Variants in TRHDE observed in about 807,000 individuals in gnomAD.
TRHDE encodes thyrotropin-releasing hormone-degrading ectoenzyme.
A neutral mutation model predicts 125.7 loss-of-function variants in TRHDE; 72 were observed. The ratio of observed to expected loss-of-function variants is 0.57; its 90% confidence interval spans 0.47 to 0.70. TRHDE has a LOEUF of 0.70. TRHDE is among the 30% of genes least tolerant of loss of function. The pLI is 0.00. For synonymous variants in TRHDE, 509 were observed against 509.1 expected (o/e 1.00, Z 0.00); for missense variants, 1,110 against 1,327.1 (o/e 0.84, Z 2.54).
chr12:72,501,903 TTC>T (rs1878170551), intron 6 of TRHDE, among the ~76,000 whole-genome samples: 1 of 152,114 alleles, frequency 6.6e-6, no homozygotes, highest in Non-Finnish European at 1.5e-5. Flanking sequence ...CATTGGTAGT[TTC>T]TTTCTCACGC....
chr12:72,389,626 A>T (rs1268516125), intron 3 of TRHDE, among the ~76,000 whole-genome samples: 2 of 152,188 alleles, frequency 1.3e-5, no homozygotes, highest in East Asian at 3.9e-4. Context: ...GCAAGTTCTC[A>T]GGTGTATCTT....
intron 2 of TRHDE, among the ~76,000 whole-genome samples, chr12:72,210,049 A>G (rs540664413): frequency 2.0e-5 from 3 of 152,304 alleles, no homozygotes; most frequent in Admixed American, 1.3e-4. Flanking sequence ...CAAGGGGAAC[A>G]GTTTATGGAT....
chr12:72,583,251 C>T (rs1480420866), intron 12 of TRHDE, among the ~76,000 whole-genome samples: 1 of 152,210 alleles, frequency 6.6e-6, no homozygotes, highest in Admixed American at 6.5e-5. Context: ...TATGCTTCCA[C>T]TCTTCTGCCA....
chr12:72,125,381 G>T (rs1472535797), intron 2 of TRHDE, among the ~76,000 whole-genome samples: 1 of 151,572 alleles, frequency 6.6e-6, no homozygotes, highest in African/African-American at 2.4e-5. Flanking sequence ...TAATTGAGCT[G>T]AATGCTTACC....
chr12:72,099,024 G>A (rs1476478774), intron 1 of TRHDE, among the ~76,000 whole-genome samples: 1 of 152,104 alleles, frequency 6.6e-6, no homozygotes, highest in Non-Finnish European at 1.5e-5. Flanking sequence ...AATTTGCCGG[G>A]CATGGTGGTG....
At chr12:72,651,653 G>A (rs903341672) in intron 15 of TRHDE, among the ~76,000 whole-genome samples, 1 of 151,858 alleles carries the variant, frequency 6.6e-6, no homozygotes, top group African/African-American at 2.4e-5. Context: ...AAGTAGGGAT[G>A]AAAATTTTCA....
intron 2 of TRHDE, among the ~76,000 whole-genome samples, chr12:72,208,892 A>G (rs1178009706): frequency 6.6e-6 from 1 of 152,132 alleles, no homozygotes; most frequent in Non-Finnish European, 1.5e-5. Flanking sequence ...GGTTGTTAAA[A>G]CATCCCACTC....
rs200228744 is a variant in TRHDE, at chr12:72,228,942, AC to A, written n.279+123191del. 3.6e-3 allele frequency among the ~76,000 whole-genome samples: 544 copies of A among 152,226 alleles called. 2 individuals carry two copies. Among genetic ancestry groups the A allele is most frequent in the East Asian group, 0.018 (95 of 5,180 alleles). On this transcript the variant is annotated intron_variant and non_coding_transcript_variant, in intron 2 of 4. Coordinates refer to the TRHDE transcript ENST00000548156. ...TCCATCTGAGAGCACCTAAACCTGA[AC>A]TTCATTGTCCATATCACTATCAGCA...
intron 2 of TRHDE, among the ~76,000 whole-genome samples, chr12:72,233,611 T>G (rs777405602): frequency 1.6e-4 from 24 of 152,330 alleles, no homozygotes; most frequent in Non-Finnish European, 3.2e-4. Flanking sequence ...GTGAGTAGAC[T>G]AGGCCATTAC....
intron 3 of TRHDE, among the ~76,000 whole-genome samples, chr12:72,424,415 A>C (rs1351577117): frequency 6.6e-6 from 1 of 152,176 alleles, no homozygotes; most frequent in Non-Finnish European, 1.5e-5. Context: ...TCTAAATAAG[A>C]TCTTATTCAC....
intron 2 of TRHDE, among the ~76,000 whole-genome samples, chr12:72,225,934 T>G (rs1878119316): frequency 6.6e-6 from 1 of 152,206 alleles, no homozygotes; most frequent in Non-Finnish European, 1.5e-5. Context: ...GACTGGGATC[T>G]CACCAGAAAG....
intron 6 of TRHDE, among the ~76,000 whole-genome samples, chr12:72,509,756 G>A (rs560332687): frequency 6.6e-6 from 1 of 152,088 alleles, no homozygotes; most frequent in African/African-American, 2.4e-5. Context: ...CTATGTCTAG[G>A]TTTATCACTA....
At chr12:72,141,464 T>C (rs1876110449) in intron 2 of TRHDE, among the ~76,000 whole-genome samples, 1 of 152,276 alleles carries the variant, frequency 6.6e-6, no homozygotes, top group African/African-American at 2.4e-5. Flanking sequence ...CTGAACAAGG[T>C]AGACAATGCT....
At chr12:72,220,672 T>G (rs1877982649) in intron 2 of TRHDE, among the ~76,000 whole-genome samples, 1 of 152,138 alleles carries the variant, frequency 6.6e-6, no homozygotes, top group Non-Finnish European at 1.5e-5. Context: ...CAGAAGTTAT[T>G]TCTTCTTTCT....
intron 15 of TRHDE, among the ~76,000 whole-genome samples, chr12:72,633,377 A>G (rs1029672022): frequency 4.6e-5 from 7 of 152,082 alleles, no homozygotes; most frequent in African/African-American, 1.2e-4. Context: ...TTTTAAATAC[A>G]TTTATTCTGT....
rs1038753201 is a variant in TRHDE, at chr12:72,669,176, C to T, written c.*5981C>T. 7 of 151,690 alleles carry T rather than the reference C, an allele frequency of 4.6e-5. No individual in the cohort carries two copies. Among genetic ancestry groups the T allele is most frequent in the South Asian group, 2.1e-4 (1 of 4,820 alleles). 9.4% of individuals were successfully genotyped at this position (151,690 alleles called of 1,614,324 possible). On this transcript the variant is annotated 3_prime_UTR_variant, in exon 19 of 19. Transcript: ENST00000261180. The stretch of plus-strand genomic sequence containing the variant: ...GACAGAATAAATTGCAAAGGTTTTA[C>T]GAGTGGACCACAAAGTTAAGGTTAA...
intron 12 of TRHDE, chr12:72,610,837 T>C (rs7131984): frequency 0.41 from 61,955 of 152,068 alleles, 14,669 homozygotes; most frequent in African/African-American, 0.65. Context: ...TTCATGAAGA[T>C]TTAAAAAGAA....
intron 10 of TRHDE, among the ~76,000 whole-genome samples, chr12:72,569,404 T>G (rs778144005): frequency 1.3e-5 from 2 of 152,200 alleles, no homozygotes; most frequent in Non-Finnish European, 2.9e-5. Context: ...ATTGTTTTTC[T>G]TACTCCTTCC....
chr12:72,198,336 T>C (rs1275396784), intron 2 of TRHDE, among the ~76,000 whole-genome samples: 2 of 152,178 alleles, frequency 1.3e-5, no homozygotes, highest in Admixed American at 6.6e-5. Flanking sequence ...TTAAATTATA[T>C]GTTTATCTGC....
Sources: allele counts gnomAD v4.1 joint callset (sites outside exome capture counted in the v4.1 genomes callset), GRCh38; gene constraint gnomAD v4.1.1; transcripts MANE v1.5; gene names NCBI Gene and HGNC (gene_info 2026-07-23, HGNC 2026-07-21).